SMAGP: variants seen among roughly 807,000 people sequenced by gnomAD.
The protein encoded by SMAGP is small cell transmembrane and glycosylated protein.
In SMAGP, 7 loss-of-function variants were observed where a neutral mutation model predicts 10.1. The ratio of observed to expected loss-of-function variants is 0.70; its 90% CI spans 0.40 to 1.31. The LOEUF (loss-of-function observed/expected upper bound fraction) is 1.31, where lower values mean the gene tolerates loss of function less well. Among genes scored for constraint, SMAGP ranks in the 50% most tolerant of loss-of-function variants. The probability of loss-of-function intolerance (pLI) is 0.01; values close to 1 mark genes in which losing one functional copy is unlikely to be tolerated. For missense variants in SMAGP, 113 were observed against 116.5 expected (o/e 0.97, Z 0.14); for synonymous variants, 49 against 47.2 (o/e 1.04, Z -0.16).
rs202000637 is a variant in SMAGP, at chr12:51,250,485, T to G, written c.35-3654A>C. Among the ~76,000 whole-genome samples, 5 of 146,282 alleles carry G rather than the reference T, an allele frequency of 3.4e-5. No homozygotes were observed. The East Asian group carries it at 1.0e-3, about 30-fold the overall frequency. On this transcript the variant is annotated intron_variant, in intron 2 of 3. Transcript: ENST00000603798. ...GTTACTAAACCTCTCTGAACCTGGTTGTTGTTGTTGTTGTGTTTTTTTTTT... is the reference window on the plus strand; with the variant it reads ...GTTACTAAACCTCTCTGAACCTGGTGGTTGTTGTTGTTGTGTTTTTTTTTT...
intron 2 of SMAGP, among the ~76,000 whole-genome samples, chr12:51,267,925 T>C (rs932531399): frequency 6.6e-6 from 1 of 152,244 alleles, no homozygotes; most frequent in Non-Finnish European, 1.5e-5. Flanking sequence ...AAGCAGAGAA[T>C]GCCTGTCCTA....
intron 2 of SMAGP, among the ~76,000 whole-genome samples, chr12:51,263,004 C>A (rs1006841908): frequency 1.3e-5 from 2 of 152,196 alleles, no homozygotes; most frequent in Non-Finnish European, 2.9e-5. Flanking sequence ...TACACCATGA[C>A]AGAAAGAACA....
In SMAGP at chr12:51,245,855, C is replaced by G. The variant is rs937483922; in HGVS notation, c.*86G>C. On this transcript the variant is annotated 3_prime_UTR_variant, in exon 4 of 4. Coordinates refer to ENST00000603798, the MANE Select transcript of SMAGP (RefSeq NM_001031628.2). ...TGCCCACATCAATCAATGCTTCTCCCTGGCTTCAGAGAAAACTTTCCCATA... is the reference window on the plus strand; with the variant it reads ...TGCCCACATCAATCAATGCTTCTCCGTGGCTTCAGAGAAAACTTTCCCATA... 6 of 1,465,244 alleles carry G rather than the reference C, an allele frequency of 4.1e-6. No homozygotes were observed. The African/African-American group carries it at 5.6e-5, about 14-fold the overall frequency. The allele number at this position is 1,465,244 out of a possible 1,614,324, so 90.8% of individuals were successfully genotyped here. A position where few individuals can be genotyped will look rare whatever the true frequency, so the allele number is the denominator to read the frequency against.
rs919627809 is a variant in SMAGP at position 51,245,167 on chromosome 12, C to T, written c.*774G>A. ...TCTAATGATGTTCCCCTGGAACAAG[C>T]TTTCCTGCACCATCTTTGTCTCAAA... On this transcript the variant is annotated 3_prime_UTR_variant, in exon 4 of 4. Transcript: ENST00000603798. The T allele has an allele frequency of 6.6e-6, 1 of 152,144 alleles. No individual in the cohort carries two copies. The highest frequency in any genetic ancestry group is 6.6e-5 in the Admixed American group (1 of 15,266). The allele number at this position is 152,144 out of a possible 1,614,324, so 9.4% of individuals were successfully genotyped here.
chr12:51,269,269 G>A lies in SMAGP; in HGVS notation c.10C>T (p.Leu4Phe). The part of the protein sequence containing the change: MTS[L>F]LTTPSPREEL... ...CCTCTTGGAGAAGGAGTAGTCAGGA[G>A]GCTGGTCATTGTCACTAGTGGTTGA... Residue 4 changes from leucine (L) to phenylalanine (F), a missense_variant, in exon 2 of 4, where the codon CTC (leucine) becomes TTC (phenylalanine). Coordinates refer to ENST00000603798, the MANE Select transcript of SMAGP (RefSeq NM_001031628.2). 1 of 1,613,966 alleles carries A rather than the reference G, an allele frequency of 6.2e-7. No individual in the cohort carries two copies. The highest frequency in any genetic ancestry group is 1.1e-5 in the South Asian group (1 of 91,084).
At position 51,263,251 on chromosome 12, in the gene SMAGP, TG is replaced by T. The variant is rs578183971; in HGVS notation, c.34+5993del. On this transcript the variant is annotated intron_variant, in intron 2 of 3. Coordinates refer to ENST00000603798, the MANE Select transcript of SMAGP (RefSeq NM_001031628.2). The stretch of plus-strand genomic sequence containing the variant: ...TACAAAAATTAGCTGGGCATAGTGG[TG>T]GGCGCCTATAGTCCCAGCTACTCGG... 3.6e-4 allele frequency among the ~76,000 whole-genome samples: 55 copies of T among 151,870 alleles called. No individual in the cohort carries two copies. The South Asian group carries it at 0.011, about 32-fold the overall frequency.
At chr12:51,269,091 C>T (rs1945003001) in intron 2 of SMAGP, among the ~76,000 whole-genome samples, 154 bp downstream of exon 2, 1 of 152,232 alleles carries the variant, frequency 6.6e-6, no homozygotes, top group South Asian at 2.1e-4. Context: ...AAGGGGCACA[C>T]TCTAGTTCCT....
At chr12:51,266,985 G>A (rs575708132) in intron 2 of SMAGP, among the ~76,000 whole-genome samples, 4 of 152,216 alleles carry the variant, frequency 2.6e-5, no homozygotes, top group East Asian at 3.9e-4. Context: ...GCGTGGTAGC[G>A]CACGCCTGTA....
intron 2 of SMAGP, among the ~76,000 whole-genome samples, chr12:51,249,310 G>C (rs550882918): frequency 1.3e-5 from 2 of 152,182 alleles, no homozygotes; most frequent in African/African-American, 4.8e-5. Context: ...CAAAGCAGGG[G>C]TTGGCAGGGG....
chr12:51,269,888 G>T (rs1485250669), intron 1 of SMAGP: 1 of 152,102 alleles, frequency 6.6e-6, no homozygotes, highest in Admixed American at 6.5e-5. Flanking sequence ...TCGCCGTCCA[G>T]GGCGCGGTCC....
intron 2 of SMAGP, among the ~76,000 whole-genome samples, chr12:51,253,786 A>G (rs1265902447): frequency 6.6e-6 from 1 of 152,108 alleles, no homozygotes; most frequent in African/African-American, 2.4e-5. Flanking sequence ...GGTGCCTGTA[A>G]TCCCAGCTAC....
At chr12:51,258,663 T>C (rs1944906189) in intron 2 of SMAGP, among the ~76,000 whole-genome samples, 1 of 151,862 alleles carries the variant, frequency 6.6e-6, no homozygotes, top group African/African-American at 2.4e-5. Flanking sequence ...AAATACAGCC[T>C]GGCTATAAGG....
chr12:51,269,147 G>C, intron 2 of SMAGP, 98 bp downstream of exon 2: 1 of 1,323,294 alleles, frequency 7.6e-7, no homozygotes, highest in Non-Finnish European at 1.1e-6. Flanking sequence ...GAGAGAGGTG[G>C]GAGTCTTCCC....
chr12:51,269,143 G>T, intron 2 of SMAGP, 102 bp downstream of exon 2: 1 of 1,271,760 alleles, frequency 7.9e-7, no homozygotes, highest in Non-Finnish European at 1.1e-6. Context: ...GGCAGAGAGA[G>T]GTGGGAGTCT....
intron 2 of SMAGP, among the ~76,000 whole-genome samples, chr12:51,256,350 CT>C (rs1201219831): frequency 9.2e-5 from 14 of 152,098 alleles, no homozygotes; most frequent in Non-Finnish European, 4.4e-5. Context: ...CTTTGGGAGG[CT>C]GAGGCCAGAG....
chr12:51,252,687 C>CCCCCCCCCT (rs1400993841), intron 2 of SMAGP, among the ~76,000 whole-genome samples: 1 of 151,624 alleles, frequency 6.6e-6, no homozygotes, highest in Admixed American at 6.6e-5. Context: ...CACATCGCCC[C>CCCCCCCCCT]CCGAAGGACA....
In SMAGP at chr12:51,246,837, A is replaced by T; in HGVS notation, c.35-6T>A. On this transcript the variant is annotated splice_polypyrimidine_tract_variant and splice_region_variant and intron_variant, in intron 2 of 3. Transcript: ENST00000603798. ...TGGGGTGGTCATCAGTTCTTCTGGA[A>T]AATGTAGAAAAGTGGAAAAGGAAAT... 1 of 1,554,460 alleles carries T rather than the reference A, an allele frequency of 6.4e-7. No homozygotes were observed. The highest frequency in any genetic ancestry group is 8.7e-7 in the Non-Finnish European group (1 of 1,150,402).
chr12:51,268,586 T>TCCTCCCGCCTCCCTC (rs1555167779), intron 2 of SMAGP, among the ~76,000 whole-genome samples: 1 of 138,010 alleles, frequency 7.2e-6, no homozygotes, highest in Non-Finnish European at 1.5e-5. Flanking sequence ...TCCTTTCCTT[T>TCCTCCCGCCTCCCTC]CCTCCCTCCC....
chr12:51,264,787 C>T (rs1944959760), intron 2 of SMAGP, among the ~76,000 whole-genome samples: 1 of 151,594 alleles, frequency 6.6e-6, no homozygotes, highest in Non-Finnish European at 1.5e-5. Context: ...AAAAAATTAG[C>T]CGGGTGTGGC....
Sources: gnomAD v4.1 joint callset for allele counts (sites outside exome capture counted in the v4.1 genomes callset) on GRCh38, gnomAD v4.1.1 for gene constraint, MANE v1.5 for transcripts, NCBI Gene and HGNC (gene_info 2026-07-23, HGNC 2026-07-21) for gene names.